The following DHRSX variants were observed in gnomAD, a reference collection of about 807,000 sequenced individuals.
The protein encoded by DHRSX is dehydrogenase/reductase X-linked, also known as polyprenol dehydrogenase.
In DHRSX, 31 loss-of-function variants were observed where a neutral mutation model predicts 34.0. The observed-to-expected ratio is 0.91, with a 90% confidence interval of 0.69 to 1.23. The LOEUF is 1.23. Ranked by LOEUF, DHRSX falls within the 50% of genes most tolerant of loss-of-function variation. DHRSX has a pLI of 0.00. For missense variants in DHRSX, 414 were observed against 428.1 expected (o/e 0.97, Z 0.29); for synonymous variants, 201 against 183.8 (o/e 1.09, Z -0.76).
chrX:2,357,696 A>T (rs2124582736), intron 3 of DHRSX, among the ~76,000 whole-genome samples: 1 of 135,386 alleles, frequency 7.4e-6, no homozygotes, highest in Non-Finnish European at 1.6e-5. Flanking sequence ...GGGACTCAGG[A>T]AATTAAAAAA....
intron 3 of DHRSX, among the ~76,000 whole-genome samples, chrX:2,399,134 A>G (rs974510551): frequency 1.8e-4 from 28 of 152,186 alleles, no homozygotes; most frequent in African/African-American, 6.5e-4. Flanking sequence ...GGTTATTACC[A>G]CCCTGAGATA....
intron 5 of DHRSX, chrX:2,261,379 A>G (rs1362457472): frequency 2.6e-5 from 4 of 152,128 alleles, no homozygotes; most frequent in African/African-American, 9.7e-5. Flanking sequence ...TATTAAGCGC[A>G]TGAATCTGCT....
intron 1 of DHRSX, among the ~76,000 whole-genome samples, chrX:2,469,036 G>A (rs1433673618): frequency 6.6e-6 from 1 of 151,098 alleles, no homozygotes; most frequent in Non-Finnish European, 1.5e-5. Flanking sequence ...TAGGCACGTG[G>A]CTGAGGGGCC....
chrX:2,294,272 G>C (rs1049277450), intron 3 of DHRSX, among the ~76,000 whole-genome samples: 3 of 152,066 alleles, frequency 2.0e-5, no homozygotes, highest in Non-Finnish European at 4.4e-5. Context: ...GGCCGGGCAC[G>C]ATGGCTCATG....
intron 5 of DHRSX, among the ~76,000 whole-genome samples, chrX:2,252,779 G>T (rs1420686381): frequency 6.6e-6 from 1 of 152,168 alleles, no homozygotes; most frequent in African/African-American, 2.4e-5. Flanking sequence ...CTGGGGTGGG[G>T]GTTAGGGATG....
chrX:2,289,236 G>A (rs936442473), intron 4 of DHRSX, among the ~76,000 whole-genome samples: 5 of 151,764 alleles, frequency 3.3e-5, no homozygotes, highest in African/African-American at 1.2e-4. Flanking sequence ...TCCTGCCTCA[G>A]CCTCCTGAGT....
intron 3 of DHRSX, among the ~76,000 whole-genome samples, chrX:2,303,266 G>A (rs2042034749): frequency 6.6e-6 from 1 of 152,112 alleles, no homozygotes; most frequent in South Asian, 2.1e-4. Flanking sequence ...TTAGATCTGT[G>A]TCCCCACCCA....
chrX:2,476,147 G>A lies in DHRSX; in HGVS notation c.109+24670C>T, dbSNP rs190847564. Among the ~76,000 whole-genome samples the A allele has an allele frequency of 5.1e-4, 78 of 152,244 alleles. 2 individuals carry two copies. The South Asian group carries it at 0.014, about 28-fold the overall frequency. On this transcript the variant is annotated intron_variant, in intron 1 of 6. Transcript: ENST00000334651. Reference sequence around the variant, plus strand: ...TCAGGCCTGTCATCCCAGCACTTTCGGAGTCCAAGGCAGGTGGATCACTTG... The same window carrying A: ...TCAGGCCTGTCATCCCAGCACTTTCAGAGTCCAAGGCAGGTGGATCACTTG...
intron 6 of DHRSX, among the ~76,000 whole-genome samples, chrX:2,231,853 T>TCTTCTTCCTCCTCCATCTTCTCCAA (rs1293675808): frequency 2.7e-5 from 4 of 147,274 alleles, no homozygotes; most frequent in African/African-American, 1.0e-4. Context: ...ATTTTCTCCC[T>TCTTCTTCCTCCTCCATCTTCTCCAA]CTTCTTCCTC....
chrX:2,345,761 A>C (rs1275404200), intron 3 of DHRSX, among the ~76,000 whole-genome samples: 1 of 152,136 alleles, frequency 6.6e-6, no homozygotes, highest in Non-Finnish European at 1.5e-5. Context: ...TGACTAGAAC[A>C]GAAGACTAAT....
chrX:2,497,996 C>G (rs1001020743), intron 1 of DHRSX, among the ~76,000 whole-genome samples: 1 of 152,158 alleles, frequency 6.6e-6, no homozygotes, highest in African/African-American at 2.4e-5. Context: ...GAGACAGACC[C>G]TCTTATGGGA....
In DHRSX at chrX:2,245,984, A is replaced by G. The variant is rs895207130; in HGVS notation, c.597-2754T>C. On this transcript the variant is annotated intron_variant, in intron 5 of 6. Transcript: ENST00000334651. ...CTCAAAAAAAACAAAAAAACAAAAA[A>G]ACACACAAACAAAAAAAAAACAAGC... 2.5e-4 allele frequency among the ~76,000 whole-genome samples: 38 copies of G among 149,996 alleles called. 1 individual carries two copies. Among genetic ancestry groups the G allele is most frequent in the African/African-American group, 9.4e-4 (38 of 40,556 alleles).
intron 3 of DHRSX, among the ~76,000 whole-genome samples, chrX:2,358,289 A>AACTT (rs2042882917): frequency 6.6e-6 from 1 of 152,200 alleles, no homozygotes; most frequent in African/African-American, 2.4e-5. Flanking sequence ...ATTTATAAGG[A>AACTT]ACTTAAACAA....
At chrX:2,473,520 G>A (rs1161658698) in intron 1 of DHRSX, among the ~76,000 whole-genome samples, 2 of 151,138 alleles carry the variant, frequency 1.3e-5, no homozygotes, top group African/African-American at 4.9e-5. Flanking sequence ...CTACTCAGGA[G>A]ACTGAGGCAG....
At chrX:2,394,515 G>A (rs1421448476) in intron 3 of DHRSX, among the ~76,000 whole-genome samples, 2 of 152,276 alleles carry the variant, frequency 1.3e-5, no homozygotes, top group East Asian at 1.9e-4. Context: ...AGCTACAGGT[G>A]AGGATGACAT....
chrX:2,340,693 T>C (rs954129153), intron 3 of DHRSX, among the ~76,000 whole-genome samples: 16 of 152,188 alleles, frequency 1.1e-4, no homozygotes, highest in Middle Eastern at 3.4e-3. Context: ...ACCTTGCAAA[T>C]TGATATTTGG....
At chrX:2,290,045 A>G (rs188797169) in intron 4 of DHRSX, among the ~76,000 whole-genome samples, 75 of 152,352 alleles carry the variant, frequency 4.9e-4, no homozygotes, top group African/African-American at 1.7e-3. Flanking sequence ...ATACATATAC[A>G]TCATACATCA....
At chrX:2,376,858 G>A (rs773763040) in intron 3 of DHRSX, among the ~76,000 whole-genome samples, 1 of 152,180 alleles carries the variant, frequency 6.6e-6, no homozygotes, top group African/African-American at 2.4e-5. Flanking sequence ...GCCGGGCACG[G>A]TGGTGCACAC....
chrX:2,341,433 TG>T, intron 3 of DHRSX, among the ~76,000 whole-genome samples: 1 of 152,246 alleles, frequency 6.6e-6, no homozygotes, highest in East Asian at 1.9e-4. Context: ...CAGGCATCCC[TG>T]GGCTTATGGC....
Sources: gnomAD v4.1 joint callset for allele counts (sites outside exome capture counted in the v4.1 genomes callset) on GRCh38, gnomAD v4.1.1 for gene constraint, MANE v1.5 for transcripts, NCBI Gene and HGNC (gene_info 2026-07-23, HGNC 2026-07-21) for gene names.